Variants in SLC38A10 observed in about 807,000 individuals in gnomAD.
SLC38A10 encodes the protein Sodium-coupled neutral amino acid transporter 10.
A neutral mutation model predicts 81.0 loss-of-function variants in SLC38A10; 53 were observed. That is an observed-to-expected ratio of 0.65 (90% CI 0.53 to 0.82). The LOEUF (loss-of-function observed/expected upper bound fraction) is 0.82. Among genes scored for constraint, SLC38A10 ranks in the 40% least tolerant of loss-of-function variants. The probability of loss-of-function intolerance (pLI) is 0.00; values close to 1 mark genes in which losing one functional copy is unlikely to be tolerated. For synonymous variants in SLC38A10, 665 were observed against 655.3 expected, an observed-to-expected ratio of 1.01 and a Z score of -0.23; for missense variants, 1,471 against 1,545.0, an observed-to-expected ratio of 0.95 and a Z score of 0.80.
chr17:81,247,979 CG>C (rs1184103467), intron 14 of SLC38A10, among the ~76,000 whole-genome samples: 36 of 81,370 alleles, frequency 4.4e-4, no homozygotes, highest in Admixed American at 1.4e-3. Context: ...TTTTTTGAGA[CG>C]GGAGTCTCAC....
At chr17:81,293,914 C>T (rs1450178557) in intron 1 of SLC38A10, among the ~76,000 whole-genome samples, 1 of 152,128 alleles carries the variant, frequency 6.6e-6, no homozygotes, top group Non-Finnish European at 1.5e-5. Flanking sequence ...TGGCCATTTT[C>T]TTTCATGTGT....
chr17:81,245,466 CCTCCA>C lies in SLC38A10; in HGVS notation c.*85_*89del. On this transcript the variant is annotated 3_prime_UTR_variant, in exon 16 of 16. Coordinates refer to ENST00000374759, the MANE Select transcript of SLC38A10 (RefSeq NM_001037984.3). ...AAACCCTGGGGAGAGGCGAGTGTGA[CCTCCA>C]GAGTTTGGCTGGGATGCGGCTGAGA... 1 of 1,464,760 alleles carries C rather than the reference CCTCCA, an allele frequency of 6.8e-7. No individual in the cohort carries two copies. The highest frequency in any genetic ancestry group is 9.1e-7 in the Non-Finnish European group (1 of 1,097,998). 90.7% of individuals were successfully genotyped at this position (1,464,760 alleles called of 1,614,324 possible).
In SLC38A10 at chr17:81,295,071, A is replaced by AGCAGGC. The variant is rs2063338094; in HGVS notation, c.-156_-151dup. On this transcript the variant is annotated 5_prime_UTR_variant, in exon 1 of 16. Transcript: ENST00000374759. ...TGGGCAGCCTGAACACGGGAGCCTG[A>AGCAGGC]GCAGGCGCGGGCGCGGGCCCCAGAG... The AGCAGGC allele has an allele frequency of 3.9e-6, 5 of 1,272,594 alleles. No individual in the cohort carries two copies. Among genetic ancestry groups the AGCAGGC allele is most frequent in the Admixed American group, 4.4e-5 (1 of 22,922 alleles). 78.8% of individuals were successfully genotyped at this position (1,272,594 alleles called of 1,614,324 possible).
At chr17:81,252,738 C>T in intron 12 of SLC38A10, 55 bp from the exon 13 acceptor site, 1 of 1,527,464 alleles carries the variant, frequency 6.5e-7, no homozygotes, top group East Asian at 2.2e-5. Flanking sequence ...CTTCCCTTCC[C>T]AGGGAATTAG....
intron 14 of SLC38A10, chr17:81,251,196 T>C (rs372419572): frequency 9.0e-5 from 138 of 1,538,866 alleles, no homozygotes; most frequent in Middle Eastern, 7.0e-4. Context: ...ACAAGCCAAG[T>C]GACAATGCCG....
At chr17:81,279,466 A>G (rs909841668) in intron 6 of SLC38A10, among the ~76,000 whole-genome samples, 3 of 152,178 alleles carry the variant, frequency 2.0e-5, no homozygotes, top group Non-Finnish European at 2.9e-5. Context: ...TGGGGAGGTC[A>G]GCACGGCGGC....
At chr17:81,268,918 G>A (rs1359855759) in intron 10 of SLC38A10, among the ~76,000 whole-genome samples, 2 of 152,046 alleles carry the variant, frequency 1.3e-5, no homozygotes, top group African/African-American at 4.8e-5. Context: ...ATGGACTAGA[G>A]AAATCAAAAG....
rs992348913 is a variant in SLC38A10 at position 81,251,894 on chromosome 17, G to A, written c.1946-282C>T. On this transcript the variant is annotated intron_variant, in intron 13 of 15. Transcript: ENST00000374759. ...AGCTCTTAGACGGGCACTTAACAAC[G>A]TGTTACCTGTCAGGCGCCCCCCGCG... The A allele has an allele frequency of 1.0e-4, 52 of 515,864 alleles. No individual in the cohort carries two copies. The South Asian group carries it at 1.7e-3, about 17-fold the overall frequency. 32.0% of individuals were successfully genotyped at this position (515,864 alleles called of 1,614,324 possible). A position where few individuals can be genotyped will look rare whatever the true frequency, so the allele number is the denominator to read the frequency against.
chr17:81,285,191 C>G (rs1260509984), intron 2 of SLC38A10: 4 of 290,066 alleles, frequency 1.4e-5, no homozygotes, highest in African/African-American at 6.6e-5. Flanking sequence ...AGTCCTCCCA[C>G]CCGGTGACCA....
In SLC38A10 at chr17:81,253,871, CCAT is replaced by C. The variant is rs58617688; in HGVS notation, c.1289-634_1289-632del. Among the ~76,000 whole-genome samples the C allele has an allele frequency of 9.2e-3, 1,397 of 151,576 alleles. 32 individuals are homozygous for C. Among genetic ancestry groups the C allele is most frequent in the East Asian group, 0.081 (412 of 5,110 alleles). On this transcript the variant is annotated intron_variant, in intron 11 of 15. Coordinates refer to ENST00000374759, the MANE Select transcript of SLC38A10 (RefSeq NM_001037984.3). The surrounding 1 kb of genome is among the most constrained non-coding windows in gnomAD (Gnocchi z 4.1). ...ACCATCTCCATCCCTACCACCATCA[CCAT>C]CATCATCACCATCACCACTACCATC...
intron 1 of SLC38A10, among the ~76,000 whole-genome samples, chr17:81,294,491 G>T (rs1404719627): frequency 6.6e-6 from 1 of 152,202 alleles, no homozygotes; most frequent in Non-Finnish European, 1.5e-5. Flanking sequence ...TTAAAAACAC[G>T]ATAAAATGTA....
At chr17:81,271,463 C>T (rs1173555845) in intron 9 of SLC38A10, among the ~76,000 whole-genome samples, 1 of 152,174 alleles carries the variant, frequency 6.6e-6, no homozygotes, top group Non-Finnish European at 1.5e-5. Context: ...TAGGGCTGTT[C>T]CCTGGGGAGA....
chr17:81,278,614 T>G (rs1362992194), intron 6 of SLC38A10, among the ~76,000 whole-genome samples: 1 of 152,034 alleles, frequency 6.6e-6, no homozygotes, highest in African/African-American at 2.4e-5. Flanking sequence ...TGGCAGAGAA[T>G]CAGGAGAAAC....
At chr17:81,264,179 G>A (rs1158999748) in intron 10 of SLC38A10, 5 of 152,504 alleles carry the variant, frequency 3.3e-5, no homozygotes, top group East Asian at 3.8e-4. Flanking sequence ...CGGGATGGCC[G>A]GGAACTTGGG....
intron 14 of SLC38A10, chr17:81,251,231 G>A: frequency 1.4e-6 from 2 of 1,449,816 alleles, no homozygotes; most frequent in Non-Finnish European, 1.9e-6. Flanking sequence ...GGGAGCAAGG[G>A]AGATAAAACG....
rs555293405 is a variant in SLC38A10 at position 81,252,478 on chromosome 17, C to G, written c.1662G>C (p.Gln554His). The G allele has an allele frequency of 1.2e-6, 2 of 1,613,382 alleles. No homozygotes were observed. Among genetic ancestry groups the G allele is most frequent in the East Asian group, 4.5e-5 (2 of 44,888 alleles). ...DSEREKQEPE[Q>H]GEVGKRPGQA... ...GTCCAGGCCTCTTCCCAACCTCTCCCTGCTCCGGCTCTTGTTTCTCTCTTT... is the reference window on the plus strand; with the variant it reads ...GTCCAGGCCTCTTCCCAACCTCTCCGTGCTCCGGCTCTTGTTTCTCTCTTT... Residue 554 changes from glutamine to histidine, a missense_variant, in exon 13 of 16, where the codon CAG (glutamine) becomes CAC (histidine). Physicochemically the swap from Gln to His is conservative, Grantham distance 24. This residue lies in a region of SLC38A10 where 720 missense variants were observed against 827.7 expected (regional missense o/e 0.87). Coordinates refer to ENST00000374759, the MANE Select transcript of SLC38A10 (RefSeq NM_001037984.3).
Position 81,253,034 on chromosome 17 carries a change from C to T in SLC38A10, c.1456+39G>A, listed in dbSNP as rs373299678. On this transcript the variant is annotated intron_variant, in intron 12 of 15. Coordinates refer to ENST00000374759, the MANE Select transcript of SLC38A10 (RefSeq NM_001037984.3). The surrounding 1 kb of genome is among the most constrained non-coding windows in gnomAD (Gnocchi z 4.1). ...CAGCCTGCAAAGGAGGACCCGGGGCCGCCCTTCCCCATCCGCACCCCCAGC... is the reference window on the plus strand; with the variant it reads ...CAGCCTGCAAAGGAGGACCCGGGGCTGCCCTTCCCCATCCGCACCCCCAGC... 578 of 1,600,528 alleles carry T rather than the reference C, an allele frequency of 3.6e-4. 3 individuals carry two copies. Among genetic ancestry groups the T allele is most frequent in the South Asian group, 1.6e-3 (142 of 90,750 alleles).
chr17:81,284,078 C>T (rs576622544), intron 3 of SLC38A10, among the ~76,000 whole-genome samples: 3 of 151,900 alleles, frequency 2.0e-5, no homozygotes, highest in East Asian at 3.9e-4. Flanking sequence ...CCATGATGGG[C>T]CTGGCACAGT....
chr17:81,250,149 A>T, intron 14 of SLC38A10: 4 of 1,271,080 alleles, frequency 3.1e-6, no homozygotes, highest in Non-Finnish European at 4.1e-6. Context: ...AACCGTGAAA[A>T]GTCTTTTTCA....
Sources: allele counts gnomAD v4.1 joint callset (sites outside exome capture counted in the v4.1 genomes callset), GRCh38; gene constraint gnomAD v4.1.1; regional missense constraint gnomAD v4.1.1; non-coding constraint Gnocchi (gnomAD v3.1); transcripts MANE v1.5; gene names NCBI Gene and HGNC (gene_info 2026-07-23, HGNC 2026-07-21).